The following PLCE1 variants were observed in gnomAD, a reference collection of about 807,000 sequenced individuals.
The protein encoded by PLCE1 is 1-phosphatidylinositol 4,5-bisphosphate phosphodiesterase epsilon-1.
In PLCE1, 119 loss-of-function variants were observed where a neutral mutation model predicts 242.8. The ratio of observed to expected loss-of-function variants is 0.49; its 90% CI spans 0.42 to 0.57. The LOEUF (loss-of-function observed/expected upper bound fraction) is 0.57. Among genes scored for constraint, PLCE1 ranks in the 20% least tolerant of loss-of-function variants. The probability of loss-of-function intolerance (pLI) is 0.00; values close to 1 mark genes in which losing one functional copy is unlikely to be tolerated. For synonymous variants in PLCE1, 945 were observed against 1,017.4 expected, an observed-to-expected ratio of 0.93 and a Z score of 1.35; for missense variants, 2,441 against 2,788.8, an observed-to-expected ratio of 0.88 and a Z score of 2.81.
intron 1 of PLCE1, among the ~76,000 whole-genome samples, chr10:94,012,313 C>T (rs1391473556): frequency 6.6e-6 from 1 of 151,948 alleles, no homozygotes; most frequent in East Asian, 1.9e-4. Context: ...GAATTCTGCC[C>T]AGGATGAGCC....
intron 19 of PLCE1, among the ~76,000 whole-genome samples, chr10:94,276,051 T>G (rs1292456540): frequency 1.3e-5 from 2 of 152,192 alleles, no homozygotes; most frequent in Admixed American, 6.6e-5. Flanking sequence ...TACAAAGTTC[T>G]TTGTGAATTT....
chr10:94,304,379 G>T (rs2053134667), intron 24 of PLCE1, 103 bp from the exon 25 acceptor site: 1 of 1,033,068 alleles, frequency 9.7e-7, no homozygotes. Context: ...CTGGAGCTTA[G>T]GGAAAATTGA....
chr10:94,036,244 T>G (rs1017494223), intron 2 of PLCE1, among the ~76,000 whole-genome samples: 1 of 152,204 alleles, frequency 6.6e-6, no homozygotes, highest in Non-Finnish European at 1.5e-5. Context: ...CTGGCCACTG[T>G]GGATATGCTT....
intron 6 of PLCE1, among the ~76,000 whole-genome samples, chr10:94,235,062 T>TCACACACACACACA (rs3222767): frequency 0.01 from 1,414 of 135,500 alleles, 13 homozygotes; most frequent in African/African-American, 0.018. Flanking sequence ...TACTGACCTT[T>TCACACACACACACA]CACACACACA....
intron 23 of PLCE1, among the ~76,000 whole-genome samples, chr10:94,296,043 T>C (rs1166943865): frequency 3.3e-5 from 5 of 152,150 alleles, no homozygotes; most frequent in Non-Finnish European, 7.4e-5. Context: ...CTTCTTCCAA[T>C]AGAAGGCTGT....
intron 15 of PLCE1, 39 bp from the exon 16 acceptor site, chr10:94,265,753 AT>A: frequency 6.2e-7 from 1 of 1,613,524 alleles, no homozygotes; most frequent in Non-Finnish European, 8.5e-7. Flanking sequence ...GAGTAGATGC[AT>A]TTTTCCCATG....
chr10:94,101,530 A>G (rs2045535871), intron 2 of PLCE1, among the ~76,000 whole-genome samples: 1 of 152,212 alleles, frequency 6.6e-6, no homozygotes. Context: ...GAAATGAATC[A>G]AAGGAGAGAC....
rs1564635457 is a variant in PLCE1 at position 94,031,779 on chromosome 10, GATA to G, written c.738_740del (p.Asn246del). 2 of 1,613,760 alleles carry G rather than the reference GATA, an allele frequency of 1.2e-6. No individual in the cohort carries two copies. The highest frequency in any genetic ancestry group is 1.7e-6 in the Non-Finnish European group (2 of 1,179,866). The stretch of plus-strand genomic sequence containing the variant: ...ACTGATGGAATTGGCCAAAAATTGT[GATA>G]ATAAGAATGAGCAGCTGCAGTGTGA... On this transcript the variant is annotated inframe_deletion, in exon 2 of 33. Coordinates refer to ENST00000371380, the MANE Select transcript of PLCE1 (RefSeq NM_016341.4).
chr10:94,170,885 T>G (rs2047952475), intron 3 of PLCE1, among the ~76,000 whole-genome samples: 1 of 152,126 alleles, frequency 6.6e-6, no homozygotes, highest in East Asian at 1.9e-4. Context: ...TTTTACAAAG[T>G]ATCATAGTAA....
intron 3 of PLCE1, among the ~76,000 whole-genome samples, chr10:94,148,210 A>G (rs2047172882): frequency 6.6e-6 from 1 of 152,212 alleles, no homozygotes; most frequent in Non-Finnish European, 1.5e-5. Flanking sequence ...CTGTCCAAAA[A>G]AAGTGGAGAT....
intron 2 of PLCE1, among the ~76,000 whole-genome samples, chr10:94,095,804 A>G (rs1419904899): frequency 6.6e-6 from 1 of 152,112 alleles, no homozygotes; most frequent in African/African-American, 2.4e-5. Flanking sequence ...TTATACAGCT[A>G]TTAAGGGGTA....
At chr10:94,239,538 G>A (rs147187733) in intron 7 of PLCE1, among the ~76,000 whole-genome samples, 4 of 152,238 alleles carry the variant, frequency 2.6e-5, no homozygotes, top group African/African-American at 7.2e-5. Context: ...ACCCAAACTC[G>A]GGCAGTTCTT....
At chr10:94,121,088 A>G (rs1411017752) in intron 2 of PLCE1, 1 of 152,266 alleles carries the variant, frequency 6.6e-6, no homozygotes, top group Non-Finnish European at 1.5e-5. Context: ...CCCTTTTATT[A>G]AATGCCACAT....
chr10:94,100,001 T>C (rs1007215912), intron 2 of PLCE1: 2 of 152,116 alleles, frequency 1.3e-5, no homozygotes, highest in Non-Finnish European at 2.9e-5. Context: ...TGTGGGAAAT[T>C]ACAAAAAGAG....
At chr10:94,263,334 T>C (rs1243448220) in intron 14 of PLCE1, among the ~76,000 whole-genome samples, 1 of 151,220 alleles carries the variant, frequency 6.6e-6, no homozygotes, top group Non-Finnish European at 1.5e-5. Flanking sequence ...GCCAACATGG[T>C]GAAACTGCAT....
intron 3 of PLCE1, among the ~76,000 whole-genome samples, chr10:94,136,562 G>A (rs758163196): frequency 6.6e-5 from 10 of 152,240 alleles, no homozygotes; most frequent in Non-Finnish European, 1.2e-4. Context: ...TGTACTAGGC[G>A]AAAATAGAAG....
At chr10:94,015,350 T>C (rs1218804342) in intron 1 of PLCE1, among the ~76,000 whole-genome samples, 1 of 152,078 alleles carries the variant, frequency 6.6e-6, no homozygotes, top group East Asian at 1.9e-4. Context: ...GAAAAAAAAA[T>C]GCCAGTAGCA....
intron 2 of PLCE1, among the ~76,000 whole-genome samples, chr10:94,055,044 C>G (rs1283751711): frequency 2.7e-5 from 4 of 149,404 alleles, no homozygotes; most frequent in Non-Finnish European, 5.9e-5. Context: ...ATGCCCTGTT[C>G]AGTAACACAA....
At chr10:94,160,180 T>C (rs1361099097) in intron 3 of PLCE1, among the ~76,000 whole-genome samples, 5 of 152,226 alleles carry the variant, frequency 3.3e-5, no homozygotes, top group African/African-American at 1.2e-4. Flanking sequence ...TCTAGATCCC[T>C]GAGGAATCGC....
Sources: allele counts gnomAD v4.1 joint callset (sites outside exome capture counted in the v4.1 genomes callset), GRCh38; gene constraint gnomAD v4.1.1; transcripts MANE v1.5; gene names NCBI Gene and HGNC (gene_info 2026-07-23, HGNC 2026-07-21).